RIMS4: variants seen among roughly 807,000 people sequenced by gnomAD.
The protein encoded by RIMS4 is regulating synaptic membrane exocytosis protein 4.
In RIMS4, 9 loss-of-function variants were observed where a neutral mutation model predicts 29.0. The ratio of observed to expected loss-of-function variants is 0.31; its 90% CI spans 0.19 to 0.54. The LOEUF is 0.54. RIMS4 is among the 20% of genes least tolerant of loss of function. The pLI is 0.94. For missense variants in RIMS4, 193 were observed against 365.7 expected (o/e 0.53, Z 3.85); for synonymous variants, 130 against 152.9 (o/e 0.85, Z 1.10).
intron 2 of RIMS4, among the ~76,000 whole-genome samples, chr20:44,761,396 G>T (rs910617674): frequency 3.9e-5 from 6 of 152,170 alleles, no homozygotes; most frequent in African/African-American, 1.4e-4. Flanking sequence ...AGGTCTGAGG[G>T]CTTATTTTCT....
At chr20:44,772,457 C>A (rs1238867556) in intron 1 of RIMS4, among the ~76,000 whole-genome samples, 1 of 152,304 alleles carries the variant, frequency 6.6e-6, no homozygotes, top group African/African-American at 2.4e-5. Flanking sequence ...ATAACTGTGG[C>A]TGCCTTGAGA....
intron 1 of RIMS4, among the ~76,000 whole-genome samples, chr20:44,801,202 A>G (rs754896565): frequency 1.3e-5 from 2 of 152,074 alleles, no homozygotes; most frequent in South Asian, 4.1e-4. Flanking sequence ...ATCCCAAGCC[A>G]CCCCTCACAG....
At chr20:44,773,329 C>T (rs186519679) in intron 1 of RIMS4, among the ~76,000 whole-genome samples, 1 of 152,284 alleles carries the variant, frequency 6.6e-6, no homozygotes, top group Non-Finnish European at 1.5e-5. Flanking sequence ...CCTCTATCTC[C>T]ACTGTTTCTG....
chr20:44,797,202 A>C (rs2066258769), intron 1 of RIMS4, among the ~76,000 whole-genome samples: 1 of 152,238 alleles, frequency 6.6e-6, no homozygotes, highest in Non-Finnish European at 1.5e-5. Context: ...TGGGCCTCGG[A>C]CTAAATCCAT....
intron 1 of RIMS4, among the ~76,000 whole-genome samples, chr20:44,803,743 C>T (rs1221341749): frequency 6.6e-6 from 1 of 152,222 alleles, no homozygotes; most frequent in Non-Finnish European, 1.5e-5. Context: ...TAATCCAGCA[C>T]TGGCCTACAT....
intron 1 of RIMS4, among the ~76,000 whole-genome samples, chr20:44,788,826 G>A (rs1365366630): frequency 1.3e-5 from 2 of 152,082 alleles, no homozygotes; most frequent in Non-Finnish European, 2.9e-5. Flanking sequence ...TGATGATGCT[G>A]ATAACAGTGA....
At chr20:44,804,785 C>A (rs879700491) in intron 1 of RIMS4, among the ~76,000 whole-genome samples, 1 of 152,068 alleles carries the variant, frequency 6.6e-6, no homozygotes, top group Admixed American at 6.5e-5. Context: ...CCAAACAGAA[C>A]TAGGTGGGCC....
intron 1 of RIMS4, among the ~76,000 whole-genome samples, chr20:44,802,553 G>A (rs1228749534): frequency 6.6e-6 from 1 of 152,122 alleles, no homozygotes; most frequent in African/African-American, 2.4e-5. Flanking sequence ...AGGGGTGGAG[G>A]CAGGCAGGGT....
intron 1 of RIMS4, among the ~76,000 whole-genome samples, chr20:44,795,619 G>A (rs1318335565): frequency 6.6e-6 from 1 of 151,738 alleles, no homozygotes; most frequent in Non-Finnish European, 1.5e-5. Context: ...GAGACAGAGC[G>A]AGACTCCATC....
At chr20:44,776,694 G>A (rs756609796) in intron 1 of RIMS4, among the ~76,000 whole-genome samples, 6 of 152,126 alleles carry the variant, frequency 3.9e-5, no homozygotes, top group Non-Finnish European at 5.9e-5. Context: ...CCCTCAGGAT[G>A]GCCTAGGTGG....
chr20:44,789,525 T>C (rs2066223637), intron 1 of RIMS4, among the ~76,000 whole-genome samples: 1 of 152,192 alleles, frequency 6.6e-6, no homozygotes, highest in Non-Finnish European at 1.5e-5. Context: ...CTCAATCTCC[T>C]GGCCTCGTGA....
intron 1 of RIMS4, among the ~76,000 whole-genome samples, chr20:44,796,836 T>C (rs1193111292): frequency 6.6e-6 from 1 of 152,212 alleles, no homozygotes; most frequent in Non-Finnish European, 1.5e-5. Context: ...AAATATGAAG[T>C]CAACTAATCT....
chr20:44,804,885 G>C (rs532386120), intron 1 of RIMS4, among the ~76,000 whole-genome samples: 1 of 152,218 alleles, frequency 6.6e-6, no homozygotes, highest in African/African-American at 2.4e-5. Context: ...AGAAAATAAG[G>C]AAAGAGCACT....
At chr20:44,806,980 C>G (rs1438747032) in intron 1 of RIMS4, among the ~76,000 whole-genome samples, 1 of 152,070 alleles carries the variant, frequency 6.6e-6, no homozygotes, top group African/African-American at 2.4e-5. Flanking sequence ...CTATGCAGTC[C>G]ATGTTATTAT....
intron 1 of RIMS4, among the ~76,000 whole-genome samples, chr20:44,783,994 A>G (rs2066196748): frequency 6.6e-6 from 1 of 152,232 alleles, no homozygotes; most frequent in Non-Finnish European, 1.5e-5. Context: ...ATCTCAATAA[A>G]GCTTATATAA....
At chr20:44,786,233 T>C (rs2066207879) in intron 1 of RIMS4, among the ~76,000 whole-genome samples, 1 of 152,152 alleles carries the variant, frequency 6.6e-6, no homozygotes, top group Non-Finnish European at 1.5e-5. Flanking sequence ...AGCTGAAATA[T>C]GGAAGGGCCA....
At chr20:44,789,605 G>A (rs958440240) in intron 1 of RIMS4, among the ~76,000 whole-genome samples, 11 of 152,144 alleles carry the variant, frequency 7.2e-5, no homozygotes, top group African/African-American at 2.7e-4. Context: ...TGTCCAGGTT[G>A]GAGTGCTATG....
intron 1 of RIMS4, among the ~76,000 whole-genome samples, chr20:44,788,639 G>A (rs1348207520): frequency 6.6e-6 from 1 of 152,044 alleles, no homozygotes; most frequent in Non-Finnish European, 1.5e-5. Flanking sequence ...CAGTCAAGGC[G>A]GCTTGTGCCT....
intron 1 of RIMS4, among the ~76,000 whole-genome samples, chr20:44,800,594 C>T (rs540384158): frequency 2.0e-5 from 3 of 151,816 alleles, no homozygotes; most frequent in Non-Finnish European, 4.4e-5. Context: ...CAGGAGGGGG[C>T]GCTCTGGGGA....
Sources: allele counts gnomAD v4.1 joint callset (sites outside exome capture counted in the v4.1 genomes callset), GRCh38; gene constraint gnomAD v4.1.1; transcripts MANE v1.5; gene names NCBI Gene and HGNC (gene_info 2026-07-23, HGNC 2026-07-21).